Variants in REDIC1 observed in about 807,000 individuals in gnomAD.
The protein encoded by REDIC1 is HEI10 Interacting Protein 1.
chr12:39,716,801 G>C, the REDIC1 span: 1 of 1,601,326 alleles, frequency 6.2e-7, no homozygotes, highest in Non-Finnish European at 8.5e-7. Context: ...TACTCTCCAA[G>C]ACCAACAGAC....
At chr12:39,731,964 A>C in the REDIC1 span, among the ~76,000 whole-genome samples, 1 of 152,056 alleles carries the variant, frequency 6.6e-6, no homozygotes, top group Non-Finnish European at 1.5e-5. Context: ...AAGTGAAAAA[A>C]CAGAATTCTG....
chr12:39,836,580 C>G, the REDIC1 span, among the ~76,000 whole-genome samples: 1 of 150,060 alleles, frequency 6.7e-6, no homozygotes, highest in Non-Finnish European at 1.5e-5. Context: ...GATTGTATAT[C>G]TAGAAAACCC....
chr12:39,834,924 C>T, the REDIC1 span, among the ~76,000 whole-genome samples: 9 of 152,034 alleles, frequency 5.9e-5, no homozygotes, highest in Non-Finnish European at 8.8e-5. Context: ...TGTATTATAA[C>T]GACAGCTTTA....
chr12:39,811,124 T>C, the REDIC1 span, among the ~76,000 whole-genome samples: 1 of 152,114 alleles, frequency 6.6e-6, no homozygotes. Context: ...TTTGGAAATA[T>C]GTGTCACCAG....
chr12:39,717,996 C>T, the REDIC1 span, among the ~76,000 whole-genome samples: 3 of 151,820 alleles, frequency 2.0e-5, no homozygotes, highest in Admixed American at 6.6e-5. Flanking sequence ...TATCCACAGT[C>T]TCTTTCATGA....
At chr12:39,809,965 CAT>C in the REDIC1 span, among the ~76,000 whole-genome samples, 1 of 152,148 alleles carries the variant, frequency 6.6e-6, no homozygotes, top group Non-Finnish European at 1.5e-5. Flanking sequence ...CCGCAATAAA[CAT>C]ATGTGTGAAT....
chr12:39,691,507 T>A, the REDIC1 span, among the ~76,000 whole-genome samples: 1 of 152,162 alleles, frequency 6.6e-6, no homozygotes, highest in African/African-American at 2.4e-5. Flanking sequence ...TAAAAAGAGA[T>A]ACTTAACTTC....
At chr12:39,633,835 G>A in the REDIC1 span, among the ~76,000 whole-genome samples, 61 of 152,212 alleles carry the variant, frequency 4.0e-4, no homozygotes, top group African/African-American at 1.4e-3. Context: ...AACTGTAAGC[G>A]TTATAATAGT....
At chr12:39,650,323 C>T in the REDIC1 span, 15 of 1,610,092 alleles carry the variant, frequency 9.3e-6, no homozygotes, top group Middle Eastern at 1.7e-4. The surrounding 1 kb of genome is among the most constrained non-coding windows in gnomAD (Gnocchi z 4.3). Context: ...TAAAACTACA[C>T]GATTTGGGAC....
At chr12:39,721,996 C>T in the REDIC1 span, 1 of 151,986 alleles carries the variant, frequency 6.6e-6, no homozygotes, top group African/African-American at 2.4e-5. Flanking sequence ...TCTAAGACAA[C>T]ACTTATTTTG....
the REDIC1 span, chr12:39,626,184 G>A: frequency 1.4e-6 from 1 of 724,498 alleles, no homozygotes; most frequent in Non-Finnish European, 2.3e-6. Flanking sequence ...GCTGTTGGGA[G>A]GTTGGGCCTC....
At chr12:39,759,247 C>T in the REDIC1 span, 1 of 152,232 alleles carries the variant, frequency 6.6e-6, no homozygotes, top group Non-Finnish European at 1.5e-5. Context: ...CCATAAAAAC[C>T]TTTAATCTGT....
the REDIC1 span, chr12:39,684,726 C>A: frequency 1.7e-6 from 1 of 596,748 alleles, no homozygotes; most frequent in Non-Finnish European, 2.9e-6. Context: ...GGCTCCTTGG[C>A]ATGGAGCTTA....
At chr12:39,879,987 T>C in the REDIC1 span, among the ~76,000 whole-genome samples, 3 of 152,172 alleles carry the variant, frequency 2.0e-5, no homozygotes, top group African/African-American at 7.2e-5. Context: ...CCTGTCTTAA[T>C]GATAGTGAGT....
At chr12:39,682,694 C>A in the REDIC1 span, 2 of 1,612,246 alleles carry the variant, frequency 1.2e-6, no homozygotes, top group South Asian at 2.2e-5. Context: ...ATAAGACAGT[C>A]AGACTACATT....
At chr12:39,745,838 G>C in the REDIC1 span, 1 of 152,178 alleles carries the variant, frequency 6.6e-6, no homozygotes, top group Non-Finnish European at 1.5e-5. Context: ...CCATGTTGCT[G>C]TTTTAATCTT....
chr12:39,757,735 T>C, the REDIC1 span: 1 of 152,108 alleles, frequency 6.6e-6, no homozygotes, highest in Non-Finnish European at 1.5e-5. Flanking sequence ...TTGAAAACAT[T>C]GTTTTCTTAT....
the REDIC1 span, among the ~76,000 whole-genome samples, chr12:39,895,925 T>TGTATATGTGTATATATACATGC: frequency 1.5e-5 from 2 of 137,240 alleles, no homozygotes; most frequent in South Asian, 2.2e-4. Flanking sequence ...TGCATATATG[T>TGTATATGTGTATATATACATGC]GTATATGTGT....
At chr12:39,672,527 A>C in the REDIC1 span, among the ~76,000 whole-genome samples, 1 of 152,140 alleles carries the variant, frequency 6.6e-6, no homozygotes, top group Non-Finnish European at 1.5e-5. Flanking sequence ...ACCTATCTTC[A>C]GCGCATGCAC....
Sources: gnomAD v4.1 joint callset for allele counts (sites outside exome capture counted in the v4.1 genomes callset) on GRCh38, gnomAD v4.1.1 for gene constraint, Gnocchi (gnomAD v3.1) non-coding constraint, MANE v1.5 for transcripts, NCBI Gene and HGNC (gene_info 2026-07-23, HGNC 2026-07-21) for gene names.